The following FOCAD variants were observed in gnomAD, a reference collection of about 807,000 sequenced individuals.
The protein encoded by FOCAD is focadhesin, also known as KIAA1797.
Under a neutral mutation model 225.6 loss-of-function variants are expected in FOCAD, and 198 were observed. That is an observed-to-expected ratio of 0.88 (90% confidence interval 0.78 to 0.99). FOCAD has a LOEUF of 0.99. FOCAD is among the 50% of genes least tolerant of loss of function. The pLI is 0.00. For synonymous variants in FOCAD, 897 were observed against 755.0 expected, an observed-to-expected ratio of 1.19 and a Z score of -3.08; for missense variants, 2,713 against 2,123.6, an observed-to-expected ratio of 1.28 and a Z score of -5.46.
Position 20,696,796 on chromosome 9 carries a change from C to CT in FOCAD, c.-33+12504dup, listed in dbSNP as rs541511046. ...CTCCAGCCTGGGTGACAGCAAGACTCTATCTTATAATAATAATAATAATAA... is the reference window on the plus strand; with the variant it reads ...CTCCAGCCTGGGTGACAGCAAGACTCTTATCTTATAATAATAATAATAATAA... On this transcript the variant is annotated intron_variant, in intron 1 of 43. Transcript: ENST00000338382. 1.4e-4 allele frequency among the ~76,000 whole-genome samples: 22 copies of CT among 151,732 alleles called. No homozygotes were observed. The East Asian group carries it at 4.3e-3, about 29-fold the overall frequency.
intron 2 of FOCAD, among the ~76,000 whole-genome samples, chr9:20,677,597 G>C (rs927435448): frequency 3.3e-5 from 5 of 152,066 alleles, no homozygotes; most frequent in African/African-American, 1.2e-4. Flanking sequence ...ATGGCCAATA[G>C]ATATAGGAAA....
At chr9:20,874,923 C>T (rs1381777383) in intron 19 of FOCAD, 116 bp downstream of exon 19, 2 of 1,322,850 alleles carry the variant, frequency 1.5e-6, no homozygotes, top group Admixed American at 4.0e-5. Flanking sequence ...TATTTTTTAA[C>T]CAGAATGTTA....
Position 20,866,917 on chromosome 9 carries a change from T to TTAACAAA in FOCAD, c.2107-12_2107-11insTAACAAA. ...TTTTTTTTTTTTTTTTTTTTTTTTT[T>TTAACAAA]ACCCTATCTAGGACCCAATTGTAGC... On this transcript the variant is annotated splice_polypyrimidine_tract_variant and intron_variant, in intron 17 of 43. Coordinates refer to ENST00000338382, the MANE Select transcript of FOCAD (RefSeq NM_001375567.1). The TTAACAAA allele has an allele frequency of 2.6e-6, 2 of 764,970 alleles. No individual in the cohort carries two copies. Among genetic ancestry groups the TTAACAAA allele is most frequent in the Non-Finnish European group, 4.0e-6 (2 of 498,466 alleles). 47.4% of individuals were successfully genotyped at this position (764,970 alleles called of 1,614,324 possible).
At chr9:20,955,919 G>C (rs575360289) in intron 35 of FOCAD, among the ~76,000 whole-genome samples, 2 of 141,124 alleles carry the variant, frequency 1.4e-5, no homozygotes, top group South Asian at 4.5e-4. Context: ...ATATTTCTAT[G>C]TAATAGCATT....
At position 20,781,757 on chromosome 9, in the gene FOCAD, A is replaced by G. The variant is rs1819391071; in HGVS notation, c.1025A>G (p.Gln342Arg). The G allele has an allele frequency of 6.2e-7, 1 of 1,613,972 alleles. No homozygotes were observed. Among genetic ancestry groups the G allele is most frequent in the Non-Finnish European group, 8.5e-7 (1 of 1,179,978 alleles). The change falls in exon 10 of 44, where the codon CAG becomes CGG. Residue 342 changes from glutamine (Q) to arginine (R), a missense_variant. Transcript: ENST00000338382. The stretch of plus-strand genomic sequence containing the variant: ...AAGCTCCTCTCTGTTACTGAGGATC[A>G]GAAAATCCCAAAGTCCTCTCTGCTG... ...ALKLLSVTED[Q>R]KIPKSSLLLV...
intron 27 of FOCAD, among the ~76,000 whole-genome samples, chr9:20,930,558 T>A (rs1318673414): frequency 6.6e-6 from 1 of 152,244 alleles, no homozygotes; most frequent in East Asian, 1.9e-4. Context: ...TGGATGACAC[T>A]ATGCTATATT....
intron 4 of FOCAD, 117 bp from the exon 5 acceptor site, chr9:20,740,119 G>A (rs1413136059): frequency 1.6e-6 from 1 of 616,954 alleles, no homozygotes; most frequent in Non-Finnish European, 2.9e-6. Context: ...CCTGTGGGTG[G>A]CTACTGTTTA....
upstream of FOCAD, among the ~76,000 whole-genome samples, chr9:20,681,279 A>T (rs1822390984): frequency 6.6e-6 from 1 of 152,076 alleles, no homozygotes; most frequent in African/African-American, 2.4e-5. Context: ...TTTAATAGAG[A>T]TGGGGCGGGG....
intron 42 of FOCAD, among the ~76,000 whole-genome samples, chr9:20,991,843 G>A (rs913922766): frequency 2.7e-5 from 4 of 145,672 alleles, no homozygotes; most frequent in Non-Finnish European, 6.0e-5. Context: ...AAATTTAAAT[G>A]TGGTCTTCCC....
intron 1 of FOCAD, among the ~76,000 whole-genome samples, chr9:20,705,061 C>G (rs1297372706): frequency 6.6e-6 from 1 of 152,150 alleles, no homozygotes; most frequent in Non-Finnish European, 1.5e-5. Flanking sequence ...TTTTCTTTGC[C>G]TCAGTGTCTT....
At chr9:20,804,243 T>C (rs904073743) in intron 11 of FOCAD, among the ~76,000 whole-genome samples, 2 of 152,064 alleles carry the variant, frequency 1.3e-5, no homozygotes, top group African/African-American at 4.8e-5. Flanking sequence ...TGAAATATCA[T>C]GAAGCAAAAA....
At chr9:20,727,370 A>G (rs1254976687) in intron 4 of FOCAD, among the ~76,000 whole-genome samples, 1 of 152,186 alleles carries the variant, frequency 6.6e-6, no homozygotes, top group African/African-American at 2.4e-5. Flanking sequence ...AGATGTTTCT[A>G]GGTGATTTAA....
At position 20,923,814 on chromosome 9, in the gene FOCAD, A is replaced by C. The variant is rs547292472; in HGVS notation, c.2961+46A>C. 4 of 1,475,686 alleles carry C rather than the reference A, an allele frequency of 2.7e-6. No individual in the cohort carries two copies. The South Asian group carries it at 3.5e-5, about 13-fold the overall frequency. 91.4% of individuals were successfully genotyped at this position (1,475,686 alleles called of 1,614,324 possible). A position where few individuals can be genotyped will look rare whatever the true frequency, so the allele number is the denominator to read the frequency against. On this transcript the variant is annotated intron_variant, in intron 25 of 43. Transcript: ENST00000338382. ...CAATTGGCTTTGATTATGTCTTTTT[A>C]AGCCTGGCTTTAGGTAGCCTGGCCC...
At chr9:20,994,177 T>C (rs10738571) in intron 43 of FOCAD, among the ~76,000 whole-genome samples, 56,823 of 152,026 alleles carry the variant, frequency 0.37, 10,869 homozygotes, top group East Asian at 0.49. Flanking sequence ...ACTAGACACT[T>C]CTCCTACTTT....
intron 15 of FOCAD, among the ~76,000 whole-genome samples, chr9:20,825,871 A>G (rs192243167): frequency 2.9e-4 from 44 of 152,218 alleles, no homozygotes; most frequent in Admixed American, 2.2e-3. Flanking sequence ...TGTGTTTTCA[A>G]TATGGGTTTC....
At chr9:20,857,277 A>G (rs987712543) in intron 15 of FOCAD, among the ~76,000 whole-genome samples, 44 of 151,536 alleles carry the variant, frequency 2.9e-4, no homozygotes, top group African/African-American at 9.4e-4. Flanking sequence ...TCCTTCATCA[A>G]TGTTTCATAG....
intron 21 of FOCAD, 191 bp downstream of exon 21, chr9:20,885,421 TC>T: frequency 2.5e-6 from 1 of 396,170 alleles, no homozygotes; most frequent in Non-Finnish European, 4.0e-6. Context: ...TGCCATGTTT[TC>T]CCCCACTGCC....
In FOCAD at chr9:20,944,605, C is replaced by G. The variant is rs765622439; in HGVS notation, c.3408-22C>G. ...TGTGGATTTCTTATGATCCTAACAT[C>G]TTATCTTTTTTGGCTTCCAAGCACG... On this transcript the variant is annotated intron_variant, in intron 28 of 43. Coordinates refer to ENST00000338382, the MANE Select transcript of FOCAD (RefSeq NM_001375567.1). The G allele has an allele frequency of 4.4e-6, 7 of 1,606,380 alleles. No homozygotes were observed. In the East Asian group the frequency reaches 1.3e-4, roughly 31 times the overall value.
chr9:20,948,762 C>G, intron 31 of FOCAD, 89 bp from the exon 32 acceptor site: 2 of 1,405,056 alleles, frequency 1.4e-6, no homozygotes, highest in Non-Finnish European at 2.0e-6. Flanking sequence ...CCAATTCGAC[C>G]ATTTATTTCT....
Sources: allele counts gnomAD v4.1 joint callset (sites outside exome capture counted in the v4.1 genomes callset), GRCh38; gene constraint gnomAD v4.1.1; transcripts MANE v1.5; gene names NCBI Gene and HGNC (gene_info 2026-07-23, HGNC 2026-07-21).